Variants in IMMP2L observed in about 807,000 individuals in gnomAD.
IMMP2L encodes the protein mitochondrial inner membrane protease subunit 2.
In IMMP2L, 18 loss-of-function variants were observed where a neutral mutation model predicts 19.3. The ratio of observed to expected loss-of-function variants is 0.93; its 90% CI spans 0.64 to 1.38. IMMP2L has a LOEUF of 1.38. Ranked by LOEUF, IMMP2L falls within the 40% of genes most tolerant of loss-of-function variation. The probability of loss-of-function intolerance (pLI) is 0.00; values close to 1 mark genes in which losing one functional copy is unlikely to be tolerated. For missense variants in IMMP2L, 233 were observed against 218.2 expected, an observed-to-expected ratio of 1.07 and a Z score of -0.43; for synonymous variants, 76 against 73.0, an observed-to-expected ratio of 1.04 and a Z score of -0.21.
chr7:111,236,494 G>A (rs1034445462), intron 3 of IMMP2L, among the ~76,000 whole-genome samples: 12 of 152,104 alleles, frequency 7.9e-5, no homozygotes, highest in Non-Finnish European at 1.8e-4. Context: ...ATGGGAACAT[G>A]AATAATTCCC....
Position 111,080,543 on chromosome 7 carries a change from T to G in IMMP2L, c.240-116978A>C, listed in dbSNP as rs6955311. 8.9e-3 allele frequency among the ~76,000 whole-genome samples: 1,348 copies of G among 151,970 alleles called. 21 individuals carry two copies. Among genetic ancestry groups the G allele is most frequent in the African/African-American group, 0.029 (1,222 of 41,478 alleles). The stretch of plus-strand genomic sequence containing the variant: ...ATAATATATATTACATATGTGTGTA[T>G]GTATACACACAGAATATTTCAAAAA... On this transcript the variant is annotated intron_variant, in intron 3 of 5. Coordinates refer to ENST00000405709, the MANE Select transcript of IMMP2L (RefSeq NM_032549.4).
At position 110,679,221 on chromosome 7, in the gene IMMP2L, T is replaced by C. The variant is rs557656144; in HGVS notation, c.409-15500A>G. On this transcript the variant is annotated intron_variant, in intron 5 of 5. Transcript: ENST00000405709. ...TCATGAATTAATTTCCCAGGATTGA[T>C]GTTTATGCACCAGTCTCTTTACCAC... Among the ~76,000 whole-genome samples, 23 of 152,228 alleles carry C rather than the reference T, an allele frequency of 1.5e-4. 2 individuals carry two copies. The South Asian group carries it at 4.8e-3, about 32-fold the overall frequency.
At chr7:110,964,506 T>C (rs1271210693) in intron 3 of IMMP2L, among the ~76,000 whole-genome samples, 2 of 151,982 alleles carry the variant, frequency 1.3e-5, no homozygotes, top group East Asian at 3.9e-4. Context: ...TAAAATAAAT[T>C]GACAGGTTTT....
At chr7:110,744,268 C>A in intron 5 of IMMP2L, among the ~76,000 whole-genome samples, 1 of 152,296 alleles carries the variant, frequency 6.6e-6, no homozygotes, top group East Asian at 1.9e-4. Flanking sequence ...TAGATATAAC[C>A]CCCACCTCCC....
chr7:110,887,544 G>A (rs1195125254), intron 4 of IMMP2L, among the ~76,000 whole-genome samples: 2 of 148,942 alleles, frequency 1.3e-5, no homozygotes, highest in Non-Finnish European at 3.0e-5. Flanking sequence ...CGGAAATATA[G>A]ACAAATTTAT....
intron 2 of IMMP2L, among the ~76,000 whole-genome samples, chr7:111,513,365 A>C (rs1372746088): frequency 6.6e-6 from 1 of 152,124 alleles, no homozygotes; most frequent in African/African-American, 2.4e-5. Context: ...ATTCAATATC[A>C]CTAATTATCA....
intron 5 of IMMP2L, among the ~76,000 whole-genome samples, chr7:110,753,104 T>TG (rs146383077): frequency 0.012 from 1,844 of 152,144 alleles, 18 homozygotes; most frequent in Middle Eastern, 0.024. Flanking sequence ...TGGTTGATGC[T>TG]GGGGGAGCAG....
intron 3 of IMMP2L, among the ~76,000 whole-genome samples, chr7:111,156,559 G>C (rs755870324): frequency 1.3e-5 from 2 of 151,980 alleles, no homozygotes; most frequent in Non-Finnish European, 2.9e-5. Flanking sequence ...AGTTTGCTAA[G>C]TCGACATTGA....
chr7:110,808,498 A>G (rs1385483976), intron 5 of IMMP2L, among the ~76,000 whole-genome samples: 1 of 152,074 alleles, frequency 6.6e-6, no homozygotes. Flanking sequence ...TAGCTCCAGG[A>G]GTACTGTATA....
chr7:111,528,846 C>T lies in IMMP2L; in HGVS notation c.-2-7397G>A, dbSNP rs546322586. Among the ~76,000 whole-genome samples, 27 of 152,274 alleles carry T rather than the reference C, an allele frequency of 1.8e-4. 1 individual carries two copies. In the East Asian group the frequency reaches 5.0e-3, roughly 28 times the overall value. The stretch of plus-strand genomic sequence containing the variant: ...TAACCTTTCAATCATCATAAGCCTA[C>T]ACAAAATCAAGATTTTATTTATAAA... On this transcript the variant is annotated intron_variant, in intron 1 of 5. Transcript: ENST00000405709.
chr7:110,871,202 GA>G lies in IMMP2L; in HGVS notation c.408+15390del, dbSNP rs1808505841. Among the ~76,000 whole-genome samples the G allele has an allele frequency of 5.9e-5, 9 of 152,124 alleles. No homozygotes were observed. The South Asian group carries it at 1.9e-3, about 32-fold the overall frequency. ...AAGAAGATGGAAGGAGAAAGGAAGG[GA>G]ATGAAGAATTTCCTTTTAGACATGT... On this transcript the variant is annotated intron_variant, in intron 5 of 5. Transcript: ENST00000405709.
intron 3 of IMMP2L, among the ~76,000 whole-genome samples, chr7:110,998,321 A>G (rs748804736): frequency 1.5e-4 from 23 of 152,150 alleles, no homozygotes; most frequent in Non-Finnish European, 2.9e-4. Flanking sequence ...TAAAATTTCT[A>G]TCATAGTCAT....
intron 3 of IMMP2L, among the ~76,000 whole-genome samples, chr7:111,230,491 G>A (rs937356840): frequency 1.3e-5 from 2 of 152,054 alleles, no homozygotes; most frequent in African/African-American, 4.8e-5. Context: ...AGTGTTTTAT[G>A]TGTAATTTCA....
At chr7:111,225,921 G>A (rs949571635) in intron 3 of IMMP2L, among the ~76,000 whole-genome samples, 1 of 152,246 alleles carries the variant, frequency 6.6e-6, no homozygotes, top group South Asian at 2.1e-4. Context: ...CTGGGGATAA[G>A]CATCTCCCCT....
At chr7:110,739,185 C>G (rs1378560992) in intron 5 of IMMP2L, among the ~76,000 whole-genome samples, 1 of 152,062 alleles carries the variant, frequency 6.6e-6, no homozygotes, top group Non-Finnish European at 1.5e-5. Flanking sequence ...CAACAAATAG[C>G]ACAATGAGTA....
At chr7:111,116,453 T>C (rs1799888917) in intron 3 of IMMP2L, among the ~76,000 whole-genome samples, 1 of 152,192 alleles carries the variant, frequency 6.6e-6, no homozygotes, top group Non-Finnish European at 1.5e-5. Context: ...CCATTAAATA[T>C]ATGGGTATAC....
intron 2 of IMMP2L, among the ~76,000 whole-genome samples, chr7:111,501,444 C>A (rs1410023635): frequency 6.6e-6 from 1 of 152,056 alleles, no homozygotes; most frequent in Non-Finnish European, 1.5e-5. Context: ...CAAGGCAGGC[C>A]AACATTCAAA....
chr7:111,156,996 G>A (rs938149408), intron 3 of IMMP2L, among the ~76,000 whole-genome samples: 3 of 152,060 alleles, frequency 2.0e-5, no homozygotes, highest in Admixed American at 1.3e-4. Context: ...CTGATCAACA[G>A]AGAAATGCAA....
At chr7:110,880,014 T>C (rs1483027062) in intron 5 of IMMP2L, among the ~76,000 whole-genome samples, 1 of 152,130 alleles carries the variant, frequency 6.6e-6, no homozygotes, top group Non-Finnish European at 1.5e-5. Context: ...GGAGTCATAT[T>C]ACAAAAATAA....
Sources: allele counts gnomAD v4.1 joint callset (sites outside exome capture counted in the v4.1 genomes callset), GRCh38; gene constraint gnomAD v4.1.1; transcripts MANE v1.5; gene names NCBI Gene and HGNC (gene_info 2026-07-23, HGNC 2026-07-21).